NUMB: variants seen among roughly 807,000 people sequenced by gnomAD.
The protein encoded by NUMB is protein numb homolog.
A neutral mutation model predicts 59.7 loss-of-function variants in NUMB; 29 were observed. That is an observed-to-expected ratio of 0.49 (90% CI 0.36 to 0.66). The LOEUF (loss-of-function observed/expected upper bound fraction) is 0.66. Among genes scored for constraint, NUMB ranks in the 30% least tolerant of loss-of-function variants. The pLI is 0.00. For missense variants in NUMB, 723 were observed against 822.0 expected (o/e 0.88, Z 1.47); for synonymous variants, 288 against 288.2 (o/e 1.00, Z 0.01).
chr14:73,417,387 G>A (rs569221214), intron 1 of NUMB, among the ~76,000 whole-genome samples: 2 of 151,268 alleles, frequency 1.3e-5, no homozygotes, highest in South Asian at 4.2e-4. Flanking sequence ...TCCTGCACCT[G>A]CCTGTCTGCA....
At chr14:73,337,432 A>G (rs1034705610) in intron 4 of NUMB, among the ~76,000 whole-genome samples, 1 of 152,100 alleles carries the variant, frequency 6.6e-6, no homozygotes, top group Non-Finnish European at 1.5e-5. Flanking sequence ...AACCTGGGAG[A>G]TGGAGGTTGC....
intron 1 of NUMB, among the ~76,000 whole-genome samples, chr14:73,426,167 G>C (rs1189866773): frequency 1.3e-5 from 2 of 152,100 alleles, no homozygotes; most frequent in Non-Finnish European, 2.9e-5. Flanking sequence ...TGAAATCTTG[G>C]CTTCAGGCCA....
chr14:73,336,775 T>C (rs1420578421), intron 4 of NUMB, among the ~76,000 whole-genome samples: 1 of 152,168 alleles, frequency 6.6e-6, no homozygotes, highest in Non-Finnish European at 1.5e-5. Flanking sequence ...AGATGTGAAG[T>C]TTCTGAACAA....
chr14:73,352,463 CACACACACACACACATATATATAT>C (rs1893382231), intron 4 of NUMB, among the ~76,000 whole-genome samples: 1 of 5,886 alleles, frequency 1.7e-4, no homozygotes, highest in Non-Finnish European at 3.7e-4. Context: ...CACACATACA[CACACACACACACACATATATATAT>C]ATATATATAT....
At chr14:73,313,668 G>GGAAA (rs35073819) in intron 6 of NUMB, among the ~76,000 whole-genome samples, 1 of 124,120 alleles carries the variant, frequency 8.1e-6, no homozygotes, top group Non-Finnish European at 1.6e-5. Context: ...TCCAAAATCT[G>GGAAA]AAAAAAAAAA....
chr14:73,458,078 T>C, intron 1 of NUMB: 1 of 150,508 alleles, frequency 6.6e-6, no homozygotes, highest in Non-Finnish European at 1.5e-5. Context: ...CCGTCCTGGG[T>C]ATTCCCAAGA....
chr14:73,392,315 C>G (rs1895893610), intron 2 of NUMB, among the ~76,000 whole-genome samples: 1 of 152,184 alleles, frequency 6.6e-6, no homozygotes, highest in Admixed American at 6.5e-5. Flanking sequence ...CTTTTTCCCC[C>G]TTAAAATGGG....
At chr14:73,359,075 C>T (rs1342273869) in intron 3 of NUMB, among the ~76,000 whole-genome samples, 2 of 152,162 alleles carry the variant, frequency 1.3e-5, no homozygotes, top group East Asian at 3.9e-4. Context: ...ATTCTGTTGC[C>T]CAGTAAGAGA....
chr14:73,317,432 G>T (rs1282853129), intron 5 of NUMB, among the ~76,000 whole-genome samples: 2 of 152,150 alleles, frequency 1.3e-5, no homozygotes, highest in East Asian at 3.9e-4. Flanking sequence ...CTCCCGAGTA[G>T]CTAGGACTAC....
chr14:73,352,734 G>C (rs772057788), intron 4 of NUMB, among the ~76,000 whole-genome samples: 47 of 147,288 alleles, frequency 3.2e-4, no homozygotes, highest in Admixed American at 5.4e-4. Flanking sequence ...AGTAGAGACG[G>C]GGTTTCACCG....
At chr14:73,453,024 C>A (rs751781874) in intron 1 of NUMB, among the ~76,000 whole-genome samples, 14 of 152,186 alleles carry the variant, frequency 9.2e-5, no homozygotes, top group Admixed American at 3.9e-4. Flanking sequence ...TGTAGATCCT[C>A]CAGACTCCTC....
rs79222235 is a variant in NUMB at position 73,323,757 on chromosome 14, T to C, written c.127-553A>G. 4.6e-3 allele frequency among the ~76,000 whole-genome samples: 695 copies of C among 152,292 alleles called. 4 individuals carry two copies. Among genetic ancestry groups the C allele is most frequent in the African/African-American group, 0.016 (673 of 41,558 alleles). ...CACCAAAACAAATTTTATGAAGGTA[T>C]TACATCTGAGCTTGAAAAGATACAT... On this transcript the variant is annotated intron_variant, in intron 4 of 12. Transcript: ENST00000555238.
chr14:73,345,482 C>G (rs1345975123), intron 4 of NUMB, among the ~76,000 whole-genome samples: 2 of 152,108 alleles, frequency 1.3e-5, no homozygotes, highest in Non-Finnish European at 2.9e-5. Context: ...ACTCCTGACT[C>G]TAAAATAAAA....
chr14:73,394,086 C>T (rs1410676721), intron 2 of NUMB, among the ~76,000 whole-genome samples: 4 of 152,018 alleles, frequency 2.6e-5, no homozygotes, highest in African/African-American at 9.7e-5. Context: ...CTGCCTTAGC[C>T]TCCCAAGTAG....
At chr14:73,400,250 A>G (rs551726767) in intron 2 of NUMB, among the ~76,000 whole-genome samples, 1 of 152,288 alleles carries the variant, frequency 6.6e-6, no homozygotes, top group Non-Finnish European at 1.5e-5. Flanking sequence ...GAAAAGGATC[A>G]GTGGTTACCA....
intron 6 of NUMB, among the ~76,000 whole-genome samples, chr14:73,313,198 C>T (rs2139893701): frequency 6.6e-6 from 1 of 152,180 alleles, no homozygotes; most frequent in Non-Finnish European, 1.5e-5. Flanking sequence ...CCCTGTTGGT[C>T]AGGCTGGTCT....
chr14:73,423,037 T>C (rs537851219), intron 1 of NUMB, among the ~76,000 whole-genome samples: 3 of 152,092 alleles, frequency 2.0e-5, no homozygotes, highest in African/African-American at 7.2e-5. Context: ...ATATTACTTA[T>C]AAGGTGAACA....
chr14:73,299,523 G>A (rs1889978553), intron 6 of NUMB: 1 of 147,278 alleles, frequency 6.8e-6, no homozygotes, highest in South Asian at 2.1e-4. Flanking sequence ...TCTTAAAATA[G>A]ATAATATGTA....
chr14:73,372,805 C>T (rs1031484970), intron 2 of NUMB, among the ~76,000 whole-genome samples: 9 of 152,008 alleles, frequency 5.9e-5, no homozygotes, highest in African/African-American at 2.2e-4. Context: ...TATATATCTT[C>T]AATATGTTAT....
Sources: allele counts gnomAD v4.1 joint callset (sites outside exome capture counted in the v4.1 genomes callset), GRCh38; gene constraint gnomAD v4.1.1; transcripts MANE v1.5; gene names NCBI Gene and HGNC (gene_info 2026-07-23, HGNC 2026-07-21).